Variants in SYTL2 observed in about 807,000 individuals in gnomAD.
The protein encoded by SYTL2 is synaptotagmin like 2.
In SYTL2, 165 loss-of-function variants were observed where a neutral mutation model predicts 198.7. That is an observed-to-expected ratio of 0.83 (90% CI 0.73 to 0.94). SYTL2 has a LOEUF of 0.94. Among genes scored for constraint, SYTL2 ranks in the 40% least tolerant of loss-of-function variants. The probability of loss-of-function intolerance (pLI) is 0.00; values close to 1 mark genes in which losing one functional copy is unlikely to be tolerated. For synonymous variants in SYTL2, 966 were observed against 917.7 expected (o/e 1.05, Z -0.95); for missense variants, 2,835 against 2,582.8 (o/e 1.10, Z -2.12).
At position 85,717,505 on chromosome 11, in the gene SYTL2, A is replaced by G; in HGVS notation, c.5508T>C (p.Val1836=). 1 of 1,613,226 alleles carries G rather than the reference A, an allele frequency of 6.2e-7. No individual in the cohort carries two copies. The highest frequency in any genetic ancestry group is 8.5e-7 in the Non-Finnish European group (1 of 1,179,352). ...CACTTCTTGGTACGCATTCATTTGT[A>G]ACTGGCTTCTGATCTGGTTTCTCAT... ...EDDEKPDQKP[V]TNECVPRIST... is the part of the protein sequence containing the mutation. The change falls in exon 11 of 20, where the codon GTT becomes GTC. Residue 1836 remains valine (V), a synonymous_variant. Transcript: ENST00000359152.
In SYTL2 at chr11:85,726,838, G is replaced by T. The variant is rs1331682988; in HGVS notation, c.2520C>A (p.Asp840Glu). Residue 840 changes from aspartate (D) to glutamate (E), a missense_variant, in exon 8 of 20, where the codon GAC becomes GAA. Physicochemically the swap from Asp to Glu is conservative, Grantham distance 45 (BLOSUM62 2). Coordinates refer to ENST00000359152, the MANE Select transcript of SYTL2 (RefSeq NM_206927.4). ...ATTCACTCTGGTCTGTAGATAAACT[G>T]TCCATGGATGATACACCCTGTGACT... ...VKKSQGVSSM[D>E]SLSTDQSEYN... 1 of 1,536,478 alleles carries T rather than the reference G, an allele frequency of 6.5e-7. No individual in the cohort carries two copies. The highest frequency in any genetic ancestry group is 1.4e-5 in the African/African-American group (1 of 73,150).
the SYTL2 span, among the ~76,000 whole-genome samples, chr11:85,833,154 G>GGAAGGAAGGAAA: frequency 1.8e-5 from 1 of 55,696 alleles, no homozygotes; most frequent in African/African-American, 8.1e-5. Context: ...AAGGAAGGAA[G>GGAAGGAAGGAAA]GAAAGAAAGA....
intron 1 of SYTL2, among the ~76,000 whole-genome samples, chr11:85,789,077 C>A (rs1028784034): frequency 6.6e-6 from 1 of 151,224 alleles, no homozygotes; most frequent in African/African-American, 2.4e-5. Context: ...GATGAATGTT[C>A]TTTCCAGAAA....
intron 2 of SYTL2, among the ~76,000 whole-genome samples, chr11:85,750,651 C>G (rs959070307): frequency 1.2e-4 from 18 of 152,184 alleles, no homozygotes; most frequent in African/African-American, 1.9e-4. Context: ...TGGAACAGAG[C>G]TGATACCCAA....
At chr11:85,753,006 A>T (rs2153538881) in intron 2 of SYTL2, among the ~76,000 whole-genome samples, 1 of 140,250 alleles carries the variant, frequency 7.1e-6, no homozygotes, top group Non-Finnish European at 1.5e-5. Flanking sequence ...GGCGGTTGAG[A>T]TCGTATCTAC....
At chr11:85,759,977 C>T (rs1195520877) in intron 1 of SYTL2, among the ~76,000 whole-genome samples, 2 of 152,150 alleles carry the variant, frequency 1.3e-5, no homozygotes, top group Non-Finnish European at 2.9e-5. Flanking sequence ...ATCATGTTCC[C>T]ACCAGAGTAA....
intron 1 of SYTL2, among the ~76,000 whole-genome samples, chr11:85,770,692 A>G (rs565305145): frequency 9.9e-5 from 15 of 152,152 alleles, no homozygotes; most frequent in Admixed American, 8.5e-4. Context: ...GAATGTCTTT[A>G]CCTTTTATCT....
In SYTL2 at chr11:85,694,343, A is replaced by G. The variant is rs533063772; in HGVS notation, c.*852T>C. The G allele has an allele frequency of 6.6e-6, 1 of 152,356 alleles. No individual in the cohort carries two copies. Among genetic ancestry groups the G allele is most frequent in the Non-Finnish European group, 1.5e-5 (1 of 68,030 alleles). The allele number at this position is 152,356 out of a possible 1,614,324, so 9.4% of individuals were successfully genotyped here. On this transcript the variant is annotated 3_prime_UTR_variant, in exon 20 of 20. Transcript: ENST00000359152. ...TTTTTACAAAATACGAAAATTTTAC[A>G]TACATAAGAAGAACAGTATAACTGA...
At chr11:85,851,864 T>G in the SYTL2 span, among the ~76,000 whole-genome samples, 2 of 152,230 alleles carry the variant, frequency 1.3e-5, no homozygotes, top group African/African-American at 4.8e-5. Flanking sequence ...ATTTGCACTC[T>G]TAATAATTTT....
chr11:85,723,906 G>A, intron 8 of SYTL2, 126 bp downstream of exon 8: 2 of 463,020 alleles, frequency 4.3e-6, no homozygotes, highest in Non-Finnish European at 7.7e-6. Context: ...CAGGAACACA[G>A]AAGTGGTAAG....
the SYTL2 span, among the ~76,000 whole-genome samples, chr11:85,832,671 C>T: frequency 1.3e-5 from 2 of 151,942 alleles, no homozygotes; most frequent in Non-Finnish European, 2.9e-5. Context: ...AATGTTCAAG[C>T]TGAGACCAGA....
intron 2 of SYTL2, among the ~76,000 whole-genome samples, chr11:85,755,090 A>C (rs960149950): frequency 1.3e-5 from 2 of 152,218 alleles, no homozygotes; most frequent in African/African-American, 2.4e-5. Flanking sequence ...ACAGCAATGG[A>C]ATGGAAAAGG....
chr11:85,714,451 T>G lies in SYTL2; in HGVS notation c.5587A>C (p.Arg1863=), dbSNP rs1446362381. 1 of 1,613,708 alleles carries G rather than the reference T, an allele frequency of 6.2e-7. No individual in the cohort carries two copies. Among genetic ancestry groups the G allele is most frequent in the Non-Finnish European group, 8.5e-7 (1 of 1,179,644 alleles). The change falls in exon 12 of 20, where the codon AGG becomes CGG. Residue 1863 remains arginine, a synonymous_variant. Transcript: ENST00000359152. ...NPFSHPDKLK[R]MSKSVPAFLQ... is the part of the protein sequence containing the mutation. ...AATGCTGGAACAGACTTGCTCATCCTTTTGAGTTTGTCAGGGTGAGAAAAT... is the reference window on the plus strand; with the variant it reads ...AATGCTGGAACAGACTTGCTCATCCGTTTGAGTTTGTCAGGGTGAGAAAAT...
chr11:85,822,954 A>G, the SYTL2 span, among the ~76,000 whole-genome samples: 1 of 152,242 alleles, frequency 6.6e-6, no homozygotes, highest in South Asian at 2.1e-4. Flanking sequence ...TGTGAAGAGA[A>G]TGGTAAGGTC....
At chr11:85,717,819 T>C in intron 10 of SYTL2, 1 of 456,552 alleles carries the variant, frequency 2.2e-6, no homozygotes, top group Non-Finnish European at 4.2e-6. Context: ...CTAGGAGTAA[T>C]GAAGCTGAGA....
intron 1 of SYTL2, among the ~76,000 whole-genome samples, chr11:85,772,923 A>C (rs1479675451): frequency 6.6e-6 from 1 of 152,148 alleles, no homozygotes; most frequent in African/African-American, 2.4e-5. Flanking sequence ...TAATATGCAA[A>C]AGGCATGCTG....
At chr11:85,744,985 C>A (rs191684264) in intron 4 of SYTL2, among the ~76,000 whole-genome samples, 1 of 151,056 alleles carries the variant, frequency 6.6e-6, no homozygotes, top group Non-Finnish European at 1.5e-5. Context: ...AGGAAAAACA[C>A]CAAAAAACCC....
In SYTL2 at chr11:85,734,144, T is replaced by C. The variant is rs1041266810; in HGVS notation, c.1185A>G (p.Gln395=). The change falls in exon 7 of 20, where the codon CAA becomes CAG. Residue 395 remains glutamine (Q), a synonymous_variant. Transcript: ENST00000359152. ...TTGATACATATGGGCTTGAGGTTGA[T>C]TGATGAAAAAGCGAAGGCTTTCTGT... The part of the protein sequence containing the change: ...SQYRKPSLFH[Q]STSSPYVSKS... 32 of 1,614,102 alleles carry C rather than the reference T, an allele frequency of 2.0e-5. No homozygotes were observed. Among genetic ancestry groups the C allele is most frequent in the African/African-American group, 2.7e-5 (2 of 74,948 alleles).
chr11:85,789,336 GTGTGTATATATA>G (rs1235592970), intron 1 of SYTL2, among the ~76,000 whole-genome samples: 1 of 24,350 alleles, frequency 4.1e-5, no homozygotes, highest in African/African-American at 2.1e-4. Flanking sequence ...GTGTGTGTGT[GTGTGTATATATA>G]TATATATATA....
Sources: gnomAD v4.1 joint callset for allele counts (sites outside exome capture counted in the v4.1 genomes callset) on GRCh38, gnomAD v4.1.1 for gene constraint, MANE v1.5 for transcripts, NCBI Gene and HGNC (gene_info 2026-07-23, HGNC 2026-07-21) for gene names.